Variants in KRT34 observed in about 807,000 individuals in gnomAD.
KRT34 encodes keratin, type I cuticular Ha4.
KRT34 carries 31 observed loss-of-function variants against 41.7 expected under a neutral mutation model. That is an observed-to-expected ratio of 0.74 (90% CI 0.56 to 1.00). KRT34 has a LOEUF of 1.00. Among genes scored for constraint, KRT34 ranks in the 50% least tolerant of loss-of-function variants. The pLI, the probability that KRT34 is intolerant of heterozygous loss-of-function variation, is 0.00. For missense variants in KRT34, 523 were observed against 500.3 expected (o/e 1.05, Z -0.43); for synonymous variants, 224 against 212.9 (o/e 1.05, Z -0.45).
intron 4 of KRT34, 26 bp from the exon 5 acceptor site, chr17:41,379,504 T>A (rs780140580): frequency 1.9e-6 from 3 of 1,614,078 alleles, no homozygotes; most frequent in Non-Finnish European, 2.5e-6. Context: ...GGGGAAAGGA[T>A]CAGACCCTGT....
chr17:41,378,539 C>T (rs1261804244), intron 6 of KRT34, among the ~76,000 whole-genome samples: 3 of 152,320 alleles, frequency 2.0e-5, no homozygotes, highest in Non-Finnish European at 4.4e-5. Flanking sequence ...GATCCACCCA[C>T]CTCAACCTCC....
rs748973716 is a variant in KRT34 at position 41,382,051 on chromosome 17, G to A, written c.196C>T (p.Arg66Cys). 39 of 1,613,716 alleles carry A rather than the reference G, an allele frequency of 2.4e-5. No homozygotes were observed. Among genetic ancestry groups the A allele is most frequent in the East Asian group, 1.3e-4 (6 of 44,892 alleles). ...ACCTTCTCCAGGTAGCTGGCCAGGC[G>A]GTCGTTCAGGAACTGCATAGTCTCC... ...EKETMQFLND[R>C]LASYLEKVRQ... is the part of the protein sequence containing the mutation. The change falls in exon 1 of 7, where the codon CGC (arginine) becomes TGC (cysteine). Residue 66 changes from arginine to cysteine, a missense_variant. Physicochemically the swap from Arg to Cys is radical, Grantham distance 180. Coordinates refer to ENST00000394001, the MANE Select transcript of KRT34 (RefSeq NM_001386014.1).
chr17:41,379,052 C>A lies in KRT34; in HGVS notation c.1001G>T (p.Arg334Leu). 6.2e-7 allele frequency: 1 copy of A among 1,614,206 alleles called. No homozygotes were observed. The highest frequency in any genetic ancestry group is 1.1e-5 in the South Asian group (1 of 91,082). Residue 334 changes from arginine to leucine, a missense_variant, in exon 6 of 7, where the codon CGG becomes CTG. Arg to Leu is a moderately radical substitution (Grantham distance 102). Coordinates refer to ENST00000394001, the MANE Select transcript of KRT34 (RefSeq NM_001386014.1). ...QLAEIRCDLE[R>L]QNQEYQVLLD... ...CAGCACCTGGTACTCCTGGTTCTGC[C>A]GCTCCAGGTCACAGCGGATCTCTGC...
chr17:41,378,220 A>G, intron 6 of KRT34, 74 bp from the exon 7 acceptor site: 1 of 936,558 alleles, frequency 1.1e-6, no homozygotes, highest in Non-Finnish European at 1.7e-6. Context: ...GCTTAATGAC[A>G]CAACCTATGA....
At chr17:41,378,416 A>C (rs1392078739) in intron 6 of KRT34, among the ~76,000 whole-genome samples, 1 of 152,054 alleles carries the variant, frequency 6.6e-6, no homozygotes, top group Non-Finnish European at 1.5e-5. Flanking sequence ...CAGCCTCCCA[A>C]GTAGTTAGGA....
Position 41,381,203 on chromosome 17 carries a change from C to A in KRT34, c.441G>T (p.Thr147=), listed in dbSNP as rs569950771. The change falls in exon 3 of 7, where the codon ACG becomes ACT. Residue 147 remains threonine, a synonymous_variant. Coordinates refer to ENST00000394001, the MANE Select transcript of KRT34 (RefSeq NM_001386014.1). Reference sequence around the variant, plus strand: ...CCACCAACAGCCTCAGGGACTGCTCCGTCTGGTACCTGCACGTGTCGGAGT... The same window carrying A: ...CCACCAACAGCCTCAGGGACTGCTCAGTCTGGTACCTGCACGTGTCGGAGT... The part of the protein sequence containing the change: ...ASDDFRSKYQ[T]EQSLRLLVES... 1 of 1,613,814 alleles carries A rather than the reference C, an allele frequency of 6.2e-7. No homozygotes were observed. The highest frequency in any genetic ancestry group is 1.1e-5 in the South Asian group (1 of 91,034).
upstream of KRT34, chr17:41,382,336 T>C (rs771081333): frequency 6.2e-7 from 1 of 1,613,268 alleles, no homozygotes; most frequent in Non-Finnish European, 8.5e-7. Flanking sequence ...AGTCCTTTTA[T>C]ACCATTAATT....
At position 41,382,070 on chromosome 17, in the gene KRT34, A is replaced by G. The variant is rs534771994; in HGVS notation, c.177T>C (p.Thr59=). ...EGSFNGSEKE[T]MQFLNDRLAS... ...CCAGGCGGTCGTTCAGGAACTGCAT[A>G]GTCTCCTTCTCGCTGCCATTGAAGG... The change falls in exon 1 of 7, where the codon ACT becomes ACC. Residue 59 remains threonine (T), a synonymous_variant. Coordinates refer to ENST00000394001, the MANE Select transcript of KRT34 (RefSeq NM_001386014.1). 5.0e-6 allele frequency: 8 copies of G among 1,613,380 alleles called. No individual in the cohort carries two copies. In the South Asian group the frequency reaches 5.5e-5, roughly 11 times the overall value.
At position 41,379,618 on chromosome 17, in the gene KRT34, A is replaced by G. The variant is rs192502620; in HGVS notation, c.702T>C (p.Ala234=). The G allele has an allele frequency of 6.8e-6, 11 of 1,614,070 alleles. No individual in the cohort carries two copies. Among genetic ancestry groups the G allele is most frequent in the African/African-American group, 4.0e-5 (3 of 75,052 alleles). The change falls in exon 4 of 7, where the codon GCT becomes GCC. Residue 234 remains alanine (A), a synonymous_variant. Transcript: ENST00000394001. ...CTTCCCTGCGGTTAATTTCCACCAG[A>G]GCCTCATACTGACTCCTGGTCTCGT... ...VLNETRSQYE[A]LVEINRREVE...
chr17:41,379,716 G>T lies in KRT34; in HGVS notation c.604C>A (p.Arg202Ser), dbSNP rs149921426. 7.5e-6 allele frequency: 12 copies of T among 1,608,874 alleles called. No homozygotes were observed. Among genetic ancestry groups the T allele is most frequent in the East Asian group, 4.5e-5 (2 of 44,878 alleles). ...TTGAGGCGGTCTCCAAGCTGGGAGC[G>T]CAGGGTGTTAACCTCCTGTTGGAGA... ...KNHEEEVNTLRSQLGDRLNVE... is the reference protein window; with the variant it reads ...KNHEEEVNTLSSQLGDRLNVE... Residue 202 changes from arginine to serine, a missense_variant, in exon 4 of 7, where the codon CGC (arginine) becomes AGC (serine). Transcript: ENST00000394001.
chr17:41,382,097 G>C lies in KRT34; in HGVS notation c.150C>G (p.Gly50=), dbSNP rs190446535. ...TCTCCTTCTCGCTGCCATTGAAGGA[G>C]CCCTCACAGAACCAGTTGCAGTTGC... ...NVSNCNWFCE[G]SFNGSEKETM... Residue 50 remains glycine (G), a synonymous_variant, in exon 1 of 7, where the codon GGC becomes GGG. Coordinates refer to ENST00000394001, the MANE Select transcript of KRT34 (RefSeq NM_001386014.1). 1 of 1,612,698 alleles carries C rather than the reference G, an allele frequency of 6.2e-7. No individual in the cohort carries two copies. The highest frequency in any genetic ancestry group is 1.3e-5 in the African/African-American group (1 of 75,024).
Position 41,378,111 on chromosome 17 carries a change from C to T in KRT34, c.1133G>A (p.Ser378Asn). ...PCNPCATTNA[S>N]GNSCGPCGTS... is the part of the protein sequence containing the mutation. Reference sequence around the variant, plus strand: ...GCCACAGGGTCCACAGGAGTTGCCACTAGCATTGGTGGTGGCGCATGGGTT... The same window carrying T: ...GCCACAGGGTCCACAGGAGTTGCCATTAGCATTGGTGGTGGCGCATGGGTT... Residue 378 changes from serine (S) to asparagine (N), a missense_variant, in exon 7 of 7, where the codon AGT (serine) becomes AAT (asparagine). Coordinates refer to ENST00000394001, the MANE Select transcript of KRT34 (RefSeq NM_001386014.1). 6.2e-7 allele frequency: 1 copy of T among 1,614,024 alleles called. No homozygotes were observed. Among genetic ancestry groups the T allele is most frequent in the Non-Finnish European group, 8.5e-7 (1 of 1,179,960 alleles).
At position 41,381,173 on chromosome 17, in the gene KRT34, C is replaced by G; in HGVS notation, c.471G>C (p.Ser157=). ...GGATCCTGCGTATGCTGTTGATGTC[C>G]GACTCCACCAACAGCCTCAGGGACT... ...TEQSLRLLVE[S]DINSIRRILD... The change falls in exon 3 of 7, where the codon TCG becomes TCC. Residue 157 remains serine (S), a synonymous_variant. Transcript: ENST00000394001. 3 of 1,614,104 alleles carry G rather than the reference C, an allele frequency of 1.9e-6. No homozygotes were observed. The highest frequency in any genetic ancestry group is 2.5e-6 in the Non-Finnish European group (3 of 1,179,974).
upstream of KRT34, among the ~76,000 whole-genome samples, chr17:41,383,233 G>A (rs912251492): frequency 1.3e-5 from 2 of 152,146 alleles, no homozygotes; most frequent in African/African-American, 4.8e-5. Flanking sequence ...TGGCCAGGCT[G>A]CTCTTGAACT....
chr17:41,383,749 T>C (rs2018041007), upstream of KRT34, among the ~76,000 whole-genome samples: 1 of 152,234 alleles, frequency 6.6e-6, no homozygotes. Context: ...GGTATGACTA[T>C]GCCAGCCTGA....
chr17:41,379,472 C>A lies in KRT34; in HGVS notation c.757G>T (p.Glu253Ter), dbSNP rs77779192. Residue 253 changes from glutamate (E) to a stop codon, truncating the protein, a stop_gained, in exon 5 of 7, where the codon GAG (glutamate) becomes TAG (stop). Transcript: ENST00000394001. LOFTEE classifies it high-confidence loss of function. ...CTGGATACCACCTGCTTGTTCAGCT[C>A]CTCGGTCTGAAACACCCAAGTGGGG... ...VEQWFATQTEELNKQVVSSSE... is the reference protein window; with the variant it reads ...VEQWFATQTE 26 of 1,614,124 alleles carry A rather than the reference C, an allele frequency of 1.6e-5. No homozygotes were observed. The highest frequency in any genetic ancestry group is 2.2e-5 in the Non-Finnish European group (26 of 1,180,056).
chr17:41,382,888 G>C (rs546371887), upstream of KRT34, among the ~76,000 whole-genome samples: 1 of 152,336 alleles, frequency 6.6e-6, no homozygotes, highest in African/African-American at 2.4e-5. Context: ...TCATGGTTGA[G>C]AAATGAGAAA....
rs1017411589 is a variant in KRT34, at chr17:41,381,885, G to T, written c.348+14C>A. On this transcript the variant is annotated intron_variant, in intron 1 of 6. Transcript: ENST00000394001. ...CCAGCTGCTGCTGGCCCCCCATATG[G>T]CCAACCCCCTCACCTTCTGCTGGAG... is the stretch of plus-strand genomic sequence containing the variant. The T allele has an allele frequency of 1.2e-6, 2 of 1,613,344 alleles. No homozygotes were observed. The highest frequency in any genetic ancestry group is 8.5e-7 in the Non-Finnish European group (1 of 1,179,446).
chr17:41,382,157 G>A lies in KRT34; in HGVS notation c.90C>T (p.Thr30=). Residue 30 remains threonine, a synonymous_variant, in exon 1 of 7, where the codon ACC becomes ACT. Coordinates refer to ENST00000394001, the MANE Select transcript of KRT34 (RefSeq NM_001386014.1). ...CGGGGATGTTGCAGGCCCCAGGCAGGGTGTAGCCGTGGCAGCTGGGGGGCA... is the reference window on the plus strand; with the variant it reads ...CGGGGATGTTGCAGGCCCCAGGCAGAGTGTAGCCGTGGCAGCTGGGGGGCA... The part of the protein sequence containing the change: ...PCVPPSCHGY[T]LPGACNIPAN... 6.2e-7 allele frequency: 1 copy of A among 1,612,414 alleles called. No homozygotes were observed. Among genetic ancestry groups the A allele is most frequent in the Non-Finnish European group, 8.5e-7 (1 of 1,180,038 alleles).
Sources: allele counts gnomAD v4.1 joint callset (sites outside exome capture counted in the v4.1 genomes callset), GRCh38; gene constraint gnomAD v4.1.1; transcripts MANE v1.5; gene names NCBI Gene and HGNC (gene_info 2026-07-23, HGNC 2026-07-21).